Variants in CNIH3 observed in about 807,000 individuals in gnomAD.
CNIH3 encodes protein cornichon homolog 3.
Under a neutral mutation model 24.1 loss-of-function variants are expected in CNIH3, and 14 were observed. The observed-to-expected ratio is 0.58, with a 90% CI of 0.38 to 0.91. The LOEUF is 0.91. Ranked by LOEUF, CNIH3 falls within the 40% of genes least tolerant of loss-of-function variation. CNIH3 has a pLI of 0.00. For synonymous variants in CNIH3, 68 were observed against 73.8 expected, an observed-to-expected ratio of 0.92 and a Z score of 0.40; for missense variants, 178 against 196.8, an observed-to-expected ratio of 0.90 and a Z score of 0.57.
intron 1 of CNIH3, among the ~76,000 whole-genome samples, chr1:224,646,387 T>G (rs1284915695): frequency 6.6e-6 from 1 of 152,226 alleles, no homozygotes; most frequent in East Asian, 1.9e-4. Context: ...TGGCCTTTGT[T>G]ACAAGCATGT....
At chr1:224,688,850 A>G (rs954913427) in intron 3 of CNIH3, among the ~76,000 whole-genome samples, 1 of 150,620 alleles carries the variant, frequency 6.6e-6, no homozygotes, top group Non-Finnish European at 1.5e-5. Flanking sequence ...GCTTGAACCC[A>G]GGAGGTGGAG....
In CNIH3 at chr1:224,634,079, C is replaced by T. The variant is rs1239551619; in HGVS notation, c.81+16824C>T. ...TTGTGGCCCTGAACATGCTTCCCTG[C>T]AAGGGGATGACTACCCACCGCCCCT... is the stretch of plus-strand genomic sequence containing the variant. On this transcript the variant is annotated intron_variant, in intron 1 of 5. Coordinates refer to ENST00000272133, the MANE Select transcript of CNIH3 (RefSeq NM_152495.2). 2.0e-5 allele frequency among the ~76,000 whole-genome samples: 3 copies of T among 152,172 alleles called. No individual in the cohort carries two copies. In the East Asian group the frequency reaches 5.8e-4, roughly 29 times the overall value.
intron 1 of CNIH3, among the ~76,000 whole-genome samples, chr1:224,442,155 A>C (rs1235900520): frequency 1.3e-5 from 2 of 151,268 alleles, no homozygotes; most frequent in East Asian, 3.9e-4. Flanking sequence ...AGTAGCTGGG[A>C]CCACAGGCAT....
At chr1:224,466,206 T>C (rs1047537545) in intron 1 of CNIH3, among the ~76,000 whole-genome samples, 1 of 152,186 alleles carries the variant, frequency 6.6e-6, no homozygotes, top group African/African-American at 2.4e-5. Context: ...TACAGACCCA[T>C]TTCATCACCA....
rs1345013678 is a variant in CNIH3, at chr1:224,739,538, T to C, written c.*182T>C. On this transcript the variant is annotated 3_prime_UTR_variant, in exon 6 of 6. Transcript: ENST00000272133. ...AGCTGGGAGCCGAGTTAACCCTGCG[T>C]GTCTGTGTCACCCTGTTTGTCAATC... The C allele has an allele frequency of 1.8e-6, 2 of 1,102,950 alleles. No homozygotes were observed. Among genetic ancestry groups the C allele is most frequent in the African/African-American group, 3.2e-5 (2 of 63,018 alleles). 68.3% of individuals were successfully genotyped at this position (1,102,950 alleles called of 1,614,324 possible). A position where few individuals can be genotyped will look rare whatever the true frequency, so the allele number is the denominator to read the frequency against.
chr1:224,611,830 G>A (rs1046213340), upstream of CNIH3, among the ~76,000 whole-genome samples: 2 of 152,162 alleles, frequency 1.3e-5, no homozygotes, highest in African/African-American at 4.8e-5. Context: ...GCCTTGTGAA[G>A]GAATTACCGC....
intron 1 of CNIH3, among the ~76,000 whole-genome samples, chr1:224,498,888 G>C (rs1677543107): frequency 6.6e-6 from 1 of 152,252 alleles, no homozygotes; most frequent in South Asian, 2.1e-4. Context: ...TGCTCTAGGA[G>C]AGATTCGCAT....
At chr1:224,543,832 G>T (rs1679603962) in intron 2 of CNIH3, among the ~76,000 whole-genome samples, 1 of 151,954 alleles carries the variant, frequency 6.6e-6, no homozygotes, top group South Asian at 2.1e-4. Flanking sequence ...TCTTTCCTCT[G>T]CTTGGAATAC....
At chr1:224,725,243 A>G (rs1279003480) in intron 3 of CNIH3, among the ~76,000 whole-genome samples, 2 of 152,152 alleles carry the variant, frequency 1.3e-5, no homozygotes. Context: ...TGATCACAAC[A>G]CAATAACAAT....
Position 224,739,708 on chromosome 1 carries a change from T to A in CNIH3, c.*352T>A. ...CTTCATTGAACAGCACCTTGCAAGTTCAAATGAGTTCCTGGGAGCGGAGGC... is the reference window on the plus strand; with the variant it reads ...CTTCATTGAACAGCACCTTGCAAGTACAAATGAGTTCCTGGGAGCGGAGGC... On this transcript the variant is annotated 3_prime_UTR_variant, in exon 6 of 6. Transcript: ENST00000272133. 3.3e-6 allele frequency: 1 copy of A among 307,186 alleles called. No individual in the cohort carries two copies. The highest frequency in any genetic ancestry group is 5.8e-6 in the Non-Finnish European group (1 of 171,778). The allele number at this position is 307,186 out of a possible 1,614,324, so 19.0% of individuals were successfully genotyped here. A position where few individuals can be genotyped will look rare whatever the true frequency, so the allele number is the denominator to read the frequency against.
chr1:224,503,824 C>T (rs962923237), intron 1 of CNIH3, among the ~76,000 whole-genome samples: 1 of 152,192 alleles, frequency 6.6e-6, no homozygotes, highest in African/African-American at 2.4e-5. Flanking sequence ...AATAACAGGC[C>T]CAGCCCTGCA....
intron 1 of CNIH3, among the ~76,000 whole-genome samples, chr1:224,639,834 G>C (rs1402997869): frequency 6.6e-6 from 1 of 152,132 alleles, no homozygotes; most frequent in African/African-American, 2.4e-5. Context: ...TATAGAGAAA[G>C]CCTGGCTTCC....
intron 2 of CNIH3, among the ~76,000 whole-genome samples, chr1:224,522,967 C>T (rs750464848): frequency 1.2e-4 from 19 of 152,170 alleles, no homozygotes; most frequent in Non-Finnish European, 2.8e-4. Flanking sequence ...GGTGCCATGG[C>T]TCAAGCCCTT....
upstream of CNIH3, among the ~76,000 whole-genome samples, chr1:224,512,800 T>C (rs557876166): frequency 9.2e-5 from 14 of 151,794 alleles, no homozygotes; most frequent in East Asian, 2.5e-3. Flanking sequence ...TGTGGGCCCA[T>C]GTGTGGGTGG....
intron 3 of CNIH3, among the ~76,000 whole-genome samples, chr1:224,724,226 C>G (rs549140460): frequency 6.2e-4 from 95 of 152,322 alleles, no homozygotes; most frequent in Non-Finnish European, 1.2e-3. Flanking sequence ...AGGGACCACT[C>G]AAGTCGACCC....
At chr1:224,694,462 G>A (rs1044311688) in intron 3 of CNIH3, among the ~76,000 whole-genome samples, 2 of 152,234 alleles carry the variant, frequency 1.3e-5, no homozygotes, top group Admixed American at 6.5e-5. Context: ...ACTCCGCAAG[G>A]TAGATTCCTA....
intron 1 of CNIH3, among the ~76,000 whole-genome samples, chr1:224,510,373 G>A (rs1678094898): frequency 6.6e-6 from 1 of 152,038 alleles, no homozygotes; most frequent in South Asian, 2.1e-4. Flanking sequence ...ATCACTATCA[G>A]CAGTCGGGAG....
intron 3 of CNIH3, among the ~76,000 whole-genome samples, chr1:224,555,893 C>T (rs990954816): frequency 6.6e-6 from 1 of 152,164 alleles, no homozygotes; most frequent in Non-Finnish European, 1.5e-5. Context: ...TCCATGGTTC[C>T]TTGTTTCCTA....
chr1:224,632,062 AAG>A (rs1683847121), intron 1 of CNIH3, among the ~76,000 whole-genome samples: 1 of 152,188 alleles, frequency 6.6e-6, no homozygotes, highest in African/African-American at 2.4e-5. Flanking sequence ...CCGGCATGCA[AAG>A]AGTAGGAGAT....
Sources: gnomAD v4.1 joint callset for allele counts (sites outside exome capture counted in the v4.1 genomes callset) on GRCh38, gnomAD v4.1.1 for gene constraint, MANE v1.5 for transcripts, NCBI Gene and HGNC (gene_info 2026-07-23, HGNC 2026-07-21) for gene names.